GREB1L: variants seen among roughly 807,000 people sequenced by gnomAD.
GREB1L encodes the protein GREB1 like retinoic acid receptor coactivator.
In GREB1L, 17 loss-of-function variants were observed where a neutral mutation model predicts 200.8. The observed-to-expected ratio is 0.08, with a 90% CI of 0.06 to 0.13. The LOEUF is 0.13. Ranked by LOEUF, GREB1L falls within the 10% of genes least tolerant of loss-of-function variation. The pLI, the probability that GREB1L is intolerant of heterozygous loss-of-function variation, is 1.00. For synonymous variants in GREB1L, 789 were observed against 893.0 expected, an observed-to-expected ratio of 0.88 and a Z score of 2.08; for missense variants, 1,657 against 2,367.7, an observed-to-expected ratio of 0.70 and a Z score of 6.23.
intron 2 of GREB1L, among the ~76,000 whole-genome samples, chr18:21,382,190 C>T (rs2040344380): frequency 1.3e-5 from 2 of 151,920 alleles, no homozygotes; most frequent in Admixed American, 6.6e-5. Context: ...ACTAAAAATA[C>T]GAAAATTAGC....
intron 11 of GREB1L, among the ~76,000 whole-genome samples, chr18:21,445,024 C>T (rs2034130557): frequency 6.6e-6 from 1 of 152,190 alleles, no homozygotes; most frequent in Admixed American, 6.5e-5. Flanking sequence ...CTGATATATT[C>T]TCCGAAGCCC....
At position 21,421,647 on chromosome 18, in the gene GREB1L, A is replaced by G. The variant is rs548522031; in HGVS notation, c.832+17653A>G. 9.2e-5 allele frequency among the ~76,000 whole-genome samples: 14 copies of G among 152,366 alleles called. No individual in the cohort carries two copies. In the East Asian group the frequency reaches 2.5e-3, roughly 27 times the overall value. ...AGATTTAGCAAAGCATTTGCTGAAT[A>G]TCTACTGTGTTCTAGGTTCTGTGCT... On this transcript the variant is annotated intron_variant, in intron 7 of 32. Coordinates refer to ENST00000424526, the MANE Select transcript of GREB1L (RefSeq NM_001142966.3).
intron 7 of GREB1L, among the ~76,000 whole-genome samples, chr18:21,429,144 T>TTCCTTCCA (rs1295948928): frequency 8.2e-6 from 1 of 121,434 alleles, no homozygotes; most frequent in African/African-American, 3.4e-5. Context: ...CCTTCCTTCC[T>TTCCTTCCA]TCCTCCCTTC....
chr18:21,364,149 ATATTCT>A (rs1309392415), intron 1 of GREB1L, among the ~76,000 whole-genome samples: 5 of 152,182 alleles, frequency 3.3e-5, no homozygotes, highest in Non-Finnish European at 1.5e-5. Flanking sequence ...CACATAACTA[ATATTCT>A]TATTGTTTAC....
intron 5 of GREB1L, 97 bp from the exon 6 acceptor site, chr18:21,401,053 T>G (rs1281525137): frequency 3.1e-6 from 3 of 964,576 alleles, no homozygotes; most frequent in Non-Finnish European, 4.6e-6. Flanking sequence ...GAGACATTTT[T>G]GGGTCAAAGA....
At chr18:21,468,726 G>T (rs748032461) in intron 15 of GREB1L, 34 of 456,402 alleles carry the variant, frequency 7.4e-5, no homozygotes, top group Admixed American at 1.4e-4. Flanking sequence ...CCTGTTCCAG[G>T]TTCCAGTCCA....
chr18:21,504,667 C>T (rs1410499620), intron 23 of GREB1L, among the ~76,000 whole-genome samples: 1 of 152,164 alleles, frequency 6.6e-6, no homozygotes, highest in African/African-American at 2.4e-5. Context: ...AAGACCCTGC[C>T]TCTACAAAAA....
At chr18:21,393,433 A>C (rs2040911019) in intron 4 of GREB1L, among the ~76,000 whole-genome samples, 1 of 151,398 alleles carries the variant, frequency 6.6e-6, no homozygotes, top group African/African-American at 2.4e-5. Context: ...AGTAGCTGGG[A>C]TTACATGCAT....
intron 1 of GREB1L, among the ~76,000 whole-genome samples, chr18:21,245,011 G>A (rs2037572950): frequency 6.6e-6 from 1 of 152,104 alleles, no homozygotes; most frequent in South Asian, 2.1e-4. Flanking sequence ...TTAGTTACTT[G>A]ATAAATATTC....
chr18:21,477,293 G>A lies in GREB1L; in HGVS notation c.2493G>A (p.Leu831=), dbSNP rs1439670043. 8 of 1,551,646 alleles carry A rather than the reference G, an allele frequency of 5.2e-6. No homozygotes were observed. In the East Asian group the frequency reaches 2.0e-4, roughly 38 times the overall value. Residue 831 remains leucine (L), a synonymous_variant, in exon 17 of 33, where the codon CTG becomes CTA. Transcript: ENST00000424526. The part of the protein sequence containing the change: ...VLQVSSFPYT[L]QTQQSRISSS... ...AGGTCAGCTCCTTCCCATACACTCT[G>A]CAGACCCAACAGTCCCGCATTAGCT...
At chr18:21,338,132 A>G (rs1364685372) in intron 1 of GREB1L, among the ~76,000 whole-genome samples, 1 of 152,202 alleles carries the variant, frequency 6.6e-6, no homozygotes, top group Non-Finnish European at 1.5e-5. Flanking sequence ...CTCTAATGTC[A>G]TAGAATCAAG....
intron 1 of GREB1L, among the ~76,000 whole-genome samples, chr18:21,342,135 T>G (rs2039278132): frequency 1.3e-5 from 2 of 152,160 alleles, no homozygotes; most frequent in Non-Finnish European, 2.9e-5. Flanking sequence ...AATGCATTTG[T>G]AAAATTTCAG....
At chr18:21,267,321 A>C (rs1481931962) in intron 1 of GREB1L, among the ~76,000 whole-genome samples, 1 of 150,796 alleles carries the variant, frequency 6.6e-6, no homozygotes, top group Non-Finnish European at 1.5e-5. Context: ...AGCTGGGATT[A>C]CAGGTGCATG....
intron 15 of GREB1L, 147 bp downstream of exon 15, chr18:21,454,710 T>G: frequency 2.9e-6 from 2 of 691,630 alleles, no homozygotes. Context: ...TATTTTGGGT[T>G]TATCTGAAGT....
At chr18:21,344,560 C>T (rs537164577) in intron 1 of GREB1L, among the ~76,000 whole-genome samples, 2 of 152,252 alleles carry the variant, frequency 1.3e-5, no homozygotes, top group East Asian at 1.9e-4. Context: ...TATAGTTCCT[C>T]CCCTCTGGGA....
At chr18:21,492,751 A>G (rs1043430269) in intron 19 of GREB1L, among the ~76,000 whole-genome samples, 2 of 152,108 alleles carry the variant, frequency 1.3e-5, no homozygotes, top group African/African-American at 4.8e-5. Context: ...ATCTTCCTCA[A>G]TTGGTATGAG....
chr18:21,249,133 T>G (rs533276768), intron 1 of GREB1L, among the ~76,000 whole-genome samples: 1 of 152,194 alleles, frequency 6.6e-6, no homozygotes, highest in African/African-American at 2.4e-5. Context: ...CTATTTCTAT[T>G]GTAGAATCTT....
intron 7 of GREB1L, among the ~76,000 whole-genome samples, chr18:21,423,586 G>A (rs536028798): frequency 5.3e-5 from 8 of 152,294 alleles, no homozygotes; most frequent in East Asian, 3.9e-4. Context: ...CAGACCGGGC[G>A]CGTTCACTCA....
At chr18:21,247,911 G>T (rs1007921384) in intron 1 of GREB1L, among the ~76,000 whole-genome samples, 1 of 152,118 alleles carries the variant, frequency 6.6e-6, no homozygotes, top group African/African-American at 2.4e-5. Context: ...TGGGGATAAG[G>T]CCTACCAATC....
Sources: allele counts gnomAD v4.1 joint callset (sites outside exome capture counted in the v4.1 genomes callset), GRCh38; gene constraint gnomAD v4.1.1; transcripts MANE v1.5; gene names NCBI Gene and HGNC (gene_info 2026-07-23, HGNC 2026-07-21).